TTLL7: variants seen among roughly 807,000 people sequenced by gnomAD.
TTLL7 encodes tubulin polyglutamylase TTLL7.
A neutral mutation model predicts 120.2 loss-of-function variants in TTLL7; 53 were observed. That is an observed-to-expected ratio of 0.44 (90% CI 0.35 to 0.55). The LOEUF is 0.55. Ranked by LOEUF, TTLL7 falls within the 20% of genes least tolerant of loss-of-function variation. The probability of loss-of-function intolerance (pLI) is 0.00; values close to 1 mark genes in which losing one functional copy is unlikely to be tolerated. For synonymous variants in TTLL7, 353 were observed against 351.7 expected (o/e 1.00, Z -0.04); for missense variants, 803 against 1,054.7 (o/e 0.76, Z 3.31).
chr1:83,956,514 G>A (rs148709705), intron 1 of TTLL7, among the ~76,000 whole-genome samples: 1,747 of 148,706 alleles, frequency 0.012, 36 homozygotes, highest in African/African-American at 0.041. Flanking sequence ...TGCAACCTCC[G>A]CCTCCCGGGT....
chr1:83,896,962 T>C (rs1051645494), intron 18 of TTLL7, among the ~76,000 whole-genome samples: 5 of 152,128 alleles, frequency 3.3e-5, no homozygotes, highest in Non-Finnish European at 5.9e-5. Context: ...TATGCAAGTA[T>C]GGAGTTACCA....
At chr1:83,975,458 C>G (rs1475834506) in intron 1 of TTLL7, among the ~76,000 whole-genome samples, 2 of 152,034 alleles carry the variant, frequency 1.3e-5, no homozygotes, top group South Asian at 2.1e-4. Context: ...AGGAACTTGT[C>G]AAAGACTTAG....
rs373103107 is a variant in TTLL7, at chr1:83,938,643, C to A, written c.724-627G>T. 2.6e-5 allele frequency among the ~76,000 whole-genome samples: 4 copies of A among 152,176 alleles called. No homozygotes were observed. The South Asian group carries it at 8.3e-4, about 32-fold the overall frequency. On this transcript the variant is annotated intron_variant, in intron 7 of 20. Transcript: ENST00000260505. ...CCGTATCGTCCTCCATACTGGAGTT[C>A]TATGTTTTTGTCTCTTTATGATCTT...
chr1:83,929,119 TAGAG>T lies in TTLL7; in HGVS notation c.1142+13_1142+16del, dbSNP rs771359879. On this transcript the variant is annotated intron_variant, in intron 10 of 20. Transcript: ENST00000260505. ...AATGTGGAGATAAATGTCCAAAAGA[TAGAG>T]AGAGTATTTTACCTTATGTTTAGTA... The T allele has an allele frequency of 2.7e-4, 422 of 1,555,328 alleles. No individual in the cohort carries two copies. The highest frequency in any genetic ancestry group is 6.9e-4 in the South Asian group (60 of 86,730).
chr1:83,960,824 C>T (rs1649949485), intron 1 of TTLL7, among the ~76,000 whole-genome samples: 1 of 152,086 alleles, frequency 6.6e-6, no homozygotes, highest in Admixed American at 6.5e-5. Context: ...ACCCAAACAA[C>T]TCTCATAACA....
chr1:83,935,638 C>T (rs1189245182), intron 8 of TTLL7, among the ~76,000 whole-genome samples: 2 of 151,552 alleles, frequency 1.3e-5, no homozygotes, highest in African/African-American at 2.4e-5. Flanking sequence ...CTGTTCTTCA[C>T]GGAAGGTATT....
At chr1:83,946,880 TTTG>T (rs1204067291) in intron 6 of TTLL7, among the ~76,000 whole-genome samples, 13 of 152,192 alleles carry the variant, frequency 8.5e-5, no homozygotes. Flanking sequence ...CCCCTTATAT[TTTG>T]TTATCTCCTT....
intron 18 of TTLL7, among the ~76,000 whole-genome samples, chr1:83,892,597 A>AACATATATATGAACATATAAATGAACAT (rs1557565995): frequency 2.5e-5 from 3 of 120,186 alleles, no homozygotes; most frequent in Admixed American, 8.1e-5. Context: ...TGAACATATG[A>AACATATATATGAACATATAAATGAACAT]ATGAACATAT....
At chr1:83,903,787 CCA>C (rs1048828948) in intron 18 of TTLL7, among the ~76,000 whole-genome samples, 1 of 151,866 alleles carries the variant, frequency 6.6e-6, no homozygotes. Context: ...GATGCGAAAC[CCA>C]CAGACATAGA....
intron 18 of TTLL7, among the ~76,000 whole-genome samples, chr1:83,893,342 C>A (rs1655940849): frequency 1.3e-5 from 2 of 151,462 alleles, no homozygotes; most frequent in African/African-American, 2.4e-5. Flanking sequence ...GATACTTATG[C>A]AATGTAGGTA....
chr1:83,881,162 A>G (rs1654422458), intron 20 of TTLL7, among the ~76,000 whole-genome samples: 2 of 151,694 alleles, frequency 1.3e-5, no homozygotes, highest in African/African-American at 4.8e-5. Context: ...AGGCAATACC[A>G]TTCAGGACAT....
intron 7 of TTLL7, among the ~76,000 whole-genome samples, chr1:83,941,091 A>G (rs1571254375): frequency 6.6e-6 from 1 of 152,220 alleles, no homozygotes; most frequent in East Asian, 1.9e-4. Context: ...CTGGAGCTCC[A>G]TCCAACACTA....
At chr1:83,986,458 G>C (rs1310494661) in intron 1 of TTLL7, among the ~76,000 whole-genome samples, 2 of 152,178 alleles carry the variant, frequency 1.3e-5, no homozygotes, top group Admixed American at 1.3e-4. Context: ...TAAGGACAGA[G>C]AGAAACTTTC....
At chr1:83,926,116 A>AC (rs1167170546) in intron 10 of TTLL7, among the ~76,000 whole-genome samples, 1 of 151,284 alleles carries the variant, frequency 6.6e-6, no homozygotes, top group Non-Finnish European at 1.5e-5. Context: ...TCTGTCTCAA[A>AC]AAAAAAAAAA....
intron 14 of TTLL7, among the ~76,000 whole-genome samples, chr1:83,912,190 T>C (rs564003285): frequency 6.6e-6 from 1 of 152,224 alleles, no homozygotes; most frequent in South Asian, 2.1e-4. Flanking sequence ...TAAATTTTCA[T>C]GGAGGAAGGA....
chr1:83,936,336 G>A (rs1421786904), intron 8 of TTLL7, among the ~76,000 whole-genome samples: 1 of 151,984 alleles, frequency 6.6e-6, no homozygotes, highest in African/African-American at 2.4e-5. Context: ...ATCCAAATGA[G>A]GGTTACAAAT....
At chr1:83,892,029 A>G (rs1341094133) in intron 18 of TTLL7, among the ~76,000 whole-genome samples, 1 of 151,762 alleles carries the variant, frequency 6.6e-6, no homozygotes, top group Non-Finnish European at 1.5e-5. Context: ...GGGTTTCACC[A>G]CATTGCCCAG....
At chr1:83,907,868 A>T (rs1657338551) in intron 15 of TTLL7, among the ~76,000 whole-genome samples, 1 of 152,128 alleles carries the variant, frequency 6.6e-6, no homozygotes, top group African/African-American at 2.4e-5. Flanking sequence ...TGTAATGTAT[A>T]AAAAATGGCC....
Position 83,907,541 on chromosome 1 carries a change from G to C in TTLL7, c.1907C>G (p.Ser636Cys). 6.2e-7 allele frequency: 1 copy of C among 1,613,414 alleles called. No individual in the cohort carries two copies. The highest frequency in any genetic ancestry group is 8.5e-7 in the Non-Finnish European group (1 of 1,179,562). The change falls in exon 16 of 21, where the codon TCT becomes TGT. Residue 636 changes from serine to cysteine, a missense_variant. Transcript: ENST00000260505. ...MISVSRPTSA[S>C]RSHSLNRASS... Reference sequence around the variant, plus strand: ...AGCACGGTTTAAGGAATGTGACCGAGATGCAGAAGTTGGCCGTGACACAGA... The same window carrying C: ...AGCACGGTTTAAGGAATGTGACCGACATGCAGAAGTTGGCCGTGACACAGA...
Sources: gnomAD v4.1 joint callset for allele counts (sites outside exome capture counted in the v4.1 genomes callset) on GRCh38, gnomAD v4.1.1 for gene constraint, MANE v1.5 for transcripts, NCBI Gene and HGNC (gene_info 2026-07-23, HGNC 2026-07-21) for gene names.